LIN7C: variants seen among roughly 807,000 people sequenced by gnomAD.
LIN7C encodes protein lin-7 homolog C.
LIN7C carries 17 observed loss-of-function variants against 24.7 expected under a neutral mutation model. That is an observed-to-expected ratio of 0.69 (90% CI 0.47 to 1.03). LIN7C has a LOEUF of 1.03. Among genes scored for constraint, LIN7C ranks in the 50% least tolerant of loss-of-function variants. LIN7C has a pLI of 0.00. For synonymous variants in LIN7C, 90 were observed against 83.4 expected, an observed-to-expected ratio of 1.08 and a Z score of -0.43; for missense variants, 204 against 239.0, an observed-to-expected ratio of 0.85 and a Z score of 0.97.
chr11:27,505,407 T>G (rs1865270610), intron 1 of LIN7C, among the ~76,000 whole-genome samples: 1 of 152,222 alleles, frequency 6.6e-6, no homozygotes, highest in Non-Finnish European at 1.5e-5. Context: ...AACTTACTCC[T>G]GTTAACACCA....
At chr11:27,504,905 G>A (rs1314202623) in intron 1 of LIN7C, among the ~76,000 whole-genome samples, 2 of 152,192 alleles carry the variant, frequency 1.3e-5, no homozygotes, top group Non-Finnish European at 2.9e-5. Flanking sequence ...ATGGAGGGCT[G>A]ACTGTAATTC....
chr11:27,504,877 A>T (rs1341762318), intron 1 of LIN7C, among the ~76,000 whole-genome samples: 1 of 152,200 alleles, frequency 6.6e-6, no homozygotes, highest in Non-Finnish European at 1.5e-5. Context: ...AGTTGGTTGA[A>T]ATATGGAACC....
At chr11:27,506,581 A>G in intron 1 of LIN7C, 135 bp downstream of exon 1, 1 of 942,878 alleles carries the variant, frequency 1.1e-6, no homozygotes, top group South Asian at 1.4e-5. Flanking sequence ...CACAGAGACA[A>G]CGGCGGCCTC....
intron 1 of LIN7C, among the ~76,000 whole-genome samples, chr11:27,503,578 A>G (rs1471296298): frequency 6.6e-6 from 1 of 152,094 alleles, no homozygotes; most frequent in African/African-American, 2.4e-5. Context: ...CAGTGGCGCA[A>G]TCTCCACTCA....
At chr11:27,505,019 C>T (rs1017211561) in intron 1 of LIN7C, among the ~76,000 whole-genome samples, 8 of 152,170 alleles carry the variant, frequency 5.3e-5, no homozygotes, top group African/African-American at 1.9e-4. Flanking sequence ...AGAAGTTCCA[C>T]ATTTTGTGTT....
intron 1 of LIN7C, among the ~76,000 whole-genome samples, chr11:27,504,512 G>A (rs1865254595): frequency 6.6e-6 from 1 of 152,080 alleles, no homozygotes. Flanking sequence ...AATAGAGTCT[G>A]TTAGAATTCT....
Position 27,501,792 on chromosome 11 carries a change from G to T in LIN7C, c.156+10C>A. ...TCAAATTTTTGTAAATTTTAATGATGTTTACTCACCTCTCTCACAGCATTG... is the reference window on the plus strand; with the variant it reads ...TCAAATTTTTGTAAATTTTAATGATTTTTACTCACCTCTCTCACAGCATTG... On this transcript the variant is annotated intron_variant, in intron 2 of 4. Transcript: ENST00000278193. The T allele has an allele frequency of 6.5e-7, 1 of 1,548,132 alleles. No individual in the cohort carries two copies. Among genetic ancestry groups the T allele is most frequent in the Non-Finnish European group, 8.9e-7 (1 of 1,123,740 alleles).
rs750992012 is a variant in LIN7C, at chr11:27,499,523, G to C, written c.274C>G (p.Arg92Gly). 6.2e-7 allele frequency: 1 copy of C among 1,614,072 alleles called. No individual in the cohort carries two copies. Among genetic ancestry groups the C allele is most frequent in the Non-Finnish European group, 8.5e-7 (1 of 1,180,034 alleles). The change falls in exon 4 of 5, where the codon CGA becomes GGA. Residue 92 changes from arginine (R) to glycine (G), a missense_variant. Around this residue, in one of 3 missense-constraint regions of LIN7C, gnomAD observed 126 missense variants for 117.8 expected, o/e 1.07. Transcript: ENST00000278193. ...TCTGTTTTTGGTAGCTCAACAACTC[G>C]AGGATGAGAATGTCCTTCACTGGCA... ...FAASEGHSHP[R>G]VVELPKTEEG...
At position 27,499,550 on chromosome 11, in the gene LIN7C, C is replaced by T; in HGVS notation, c.247G>A (p.Ala83Thr). The change falls in exon 4 of 5, where the codon GCT becomes ACT. Residue 83 changes from alanine to threonine, a missense_variant. Transcript: ENST00000278193. ...ATAKATVAAF[A>T]ASEGHSHPRV... ...GGATGAGAATGTCCTTCACTGGCAGCAAATGCAGCAACAGTAGCCTGAAAG... is the reference window on the plus strand; with the variant it reads ...GGATGAGAATGTCCTTCACTGGCAGTAAATGCAGCAACAGTAGCCTGAAAG... The T allele has an allele frequency of 6.2e-7, 1 of 1,614,126 alleles. No homozygotes were observed. Among genetic ancestry groups the T allele is most frequent in the Non-Finnish European group, 8.5e-7 (1 of 1,180,012 alleles).
chr11:27,494,705 G>C lies in LIN7C; in HGVS notation c.*3944C>G, dbSNP rs532353717. 1 of 152,250 alleles carries C rather than the reference G, an allele frequency of 6.6e-6. No individual in the cohort carries two copies. The highest frequency in any genetic ancestry group is 2.4e-5 in the African/African-American group (1 of 41,556). 9.4% of individuals were successfully genotyped at this position (152,250 alleles called of 1,614,324 possible). ...CACAAATTTTAAAAGTAGAAGCATA[G>C]CATTTGCCAGTTATTTTAAAAAACC... On this transcript the variant is annotated 3_prime_UTR_variant, in exon 5 of 5. Transcript: ENST00000278193.
chr11:27,501,634 G>A, intron 2 of LIN7C, 68 bp from the exon 3 acceptor site: 1 of 1,086,384 alleles, frequency 9.2e-7, no homozygotes, highest in African/African-American at 1.6e-5. Context: ...AAAATTTCAG[G>A]CAAAGTTATG....
chr11:27,506,061 T>A (rs1488766754), intron 1 of LIN7C, among the ~76,000 whole-genome samples: 1 of 152,348 alleles, frequency 6.6e-6, no homozygotes, highest in South Asian at 2.1e-4. Flanking sequence ...CCAACCAGTT[T>A]GCAATTGTAG....
In LIN7C at chr11:27,506,255, G is replaced by A. The variant is rs577987506; in HGVS notation, c.37+461C>T. Among the ~76,000 whole-genome samples, 22 of 152,338 alleles carry A rather than the reference G, an allele frequency of 1.4e-4. 2 individuals carry two copies. The South Asian group carries it at 4.1e-3, about 29-fold the overall frequency. On this transcript the variant is annotated intron_variant, in intron 1 of 4. Coordinates refer to ENST00000278193, the MANE Select transcript of LIN7C (RefSeq NM_018362.4). ...CAACCCGAATACAAGCGAGGTTGTG[G>A]AGAAAGTAATGAAGGAGTTTGTGTG...
Position 27,499,395 on chromosome 11 carries a change from G to C in LIN7C, c.402C>G (p.Leu134=). Residue 134 remains leucine, a synonymous_variant, in exon 4 of 5, where the codon CTC becomes CTG. Transcript: ENST00000278193. ...CAGAGAGGAGTTGATCTCCACGTTT[G>C]AGGCCCCCATGTCTATCAGCAATTC... ...PGGIADRHGG[L]KRGDQLLSVN... is the part of the protein sequence containing the mutation. 6.2e-7 allele frequency: 1 copy of C among 1,614,040 alleles called. No individual in the cohort carries two copies. Among genetic ancestry groups the C allele is most frequent in the Non-Finnish European group, 8.5e-7 (1 of 1,179,976 alleles).
rs762261224 is a variant in LIN7C at position 27,499,356 on chromosome 11, T to C, written c.438+3A>G. On this transcript the variant is annotated splice_donor_region_variant and intron_variant, in intron 4 of 4. Coordinates refer to ENST00000278193, the MANE Select transcript of LIN7C (RefSeq NM_018362.4). ...TACAAATAGAAATAAAATTCATCCT[T>C]ACCACTCCATTAACAGAGAGGAGTT... The C allele has an allele frequency of 3.1e-6, 5 of 1,611,632 alleles. No homozygotes were observed. In the East Asian group the frequency reaches 8.9e-5, roughly 29 times the overall value.
chr11:27,506,568 A>C, intron 1 of LIN7C, 148 bp downstream of exon 1: 1 of 815,296 alleles, frequency 1.2e-6, no homozygotes. Flanking sequence ...TCCTAGAGCC[A>C]GGCACAGAGA....
intron 1 of LIN7C, among the ~76,000 whole-genome samples, chr11:27,506,019 T>C (rs2133493777): frequency 6.6e-6 from 1 of 152,328 alleles, no homozygotes; most frequent in South Asian, 2.1e-4. Context: ...TGGTTTTATT[T>C]TCCTTGACAG....
chr11:27,498,639 T>C lies in LIN7C; in HGVS notation c.*10A>G. On this transcript the variant is annotated 3_prime_UTR_variant, in exon 5 of 5. Transcript: ENST00000278193. ...AAAACGCAAAATGAAATATCAAGTT[T>C]TGAAATGTATTAGGTCTGTTGCCTG... is the stretch of plus-strand genomic sequence containing the variant. The C allele has an allele frequency of 6.2e-7, 1 of 1,602,092 alleles. No individual in the cohort carries two copies. The highest frequency in any genetic ancestry group is 8.5e-7 in the Non-Finnish European group (1 of 1,175,198).
At position 27,498,708 on chromosome 11, in the gene LIN7C, C is replaced by G. The variant is rs1865193868; in HGVS notation, c.535G>C (p.Glu179Gln). The change falls in exon 5 of 5, where the codon GAA becomes CAA. Residue 179 changes from glutamate (E) to glutamine (Q), a missense_variant. Around this residue, in one of 3 missense-constraint regions of LIN7C, gnomAD observed 74 missense variants for 99.6 expected, o/e 0.74. Transcript: ENST00000278193. Reference sequence around the variant, plus strand: ...TTTTCAAAGCGCGACTCCATTTCTTCTAAGACTTTGGGTGTGTATCGTACC... The same window carrying G: ...TTTTCAAAGCGCGACTCCATTTCTTGTAAGACTTTGGGTGTGTATCGTACC... ...LVVRYTPKVL[E>Q]EMESRFEKMR... 1.9e-6 allele frequency: 3 copies of G among 1,614,008 alleles called. No individual in the cohort carries two copies. The East Asian group carries it at 6.7e-5, about 36-fold the overall frequency.
Sources: gnomAD v4.1 joint callset for allele counts (sites outside exome capture counted in the v4.1 genomes callset) on GRCh38, gnomAD v4.1.1 for gene constraint, gnomAD v4.1.1 regional missense constraint, MANE v1.5 for transcripts, NCBI Gene and HGNC (gene_info 2026-07-23, HGNC 2026-07-21) for gene names.